C1orf21: variants seen among roughly 807,000 people sequenced by gnomAD.
C1orf21 encodes uncharacterized protein C1orf21.
In C1orf21, 3 loss-of-function variants were observed where a neutral mutation model predicts 18.7. The observed-to-expected ratio is 0.16, with a 90% CI of 0.07 to 0.42. C1orf21 has a LOEUF of 0.42. Among genes scored for constraint, C1orf21 ranks in the 10% least tolerant of loss-of-function variants. C1orf21 has a pLI of 0.99. For missense variants in C1orf21, 104 were observed against 143.6 expected, an observed-to-expected ratio of 0.72 and a Z score of 1.41; for synonymous variants, 41 against 46.4, an observed-to-expected ratio of 0.88 and a Z score of 0.47.
intron 3 of C1orf21, among the ~76,000 whole-genome samples, chr1:184,573,621 G>T (rs539191219): frequency 6.6e-6 from 1 of 152,240 alleles, no homozygotes; most frequent in East Asian, 1.9e-4. Context: ...ATAAGTGCTG[G>T]CAGCGAGCTT....
intron 1 of C1orf21, among the ~76,000 whole-genome samples, chr1:184,422,303 A>G (rs1453812452): frequency 6.6e-6 from 1 of 152,184 alleles, no homozygotes; most frequent in Non-Finnish European, 1.5e-5. Context: ...ATGCTTGCAG[A>G]TTTTGGAATC....
intron 3 of C1orf21, among the ~76,000 whole-genome samples, chr1:184,553,202 C>A (rs1384059244): frequency 6.6e-6 from 1 of 152,006 alleles, no homozygotes; most frequent in African/African-American, 2.4e-5. Flanking sequence ...AGGAAAAAAA[C>A]CATTTAGTTC....
At chr1:184,452,434 G>A (rs1179729954) in intron 1 of C1orf21, among the ~76,000 whole-genome samples, 1 of 152,176 alleles carries the variant, frequency 6.6e-6, no homozygotes, top group African/African-American at 2.4e-5. Flanking sequence ...TGGGTAACTG[G>A]ATGCTGTTGT....
At chr1:184,439,891 A>G (rs1656917828) in intron 1 of C1orf21, among the ~76,000 whole-genome samples, 1 of 152,236 alleles carries the variant, frequency 6.6e-6, no homozygotes, top group Non-Finnish European at 1.5e-5. Flanking sequence ...AAAAATTAAA[A>G]CTAATGATTT....
intron 1 of C1orf21, among the ~76,000 whole-genome samples, chr1:184,417,891 A>G (rs764036094): frequency 6.6e-6 from 1 of 152,120 alleles, no homozygotes; most frequent in East Asian, 1.9e-4. Flanking sequence ...CTGACAGGGG[A>G]TGGGGTATCG....
chr1:184,569,641 G>C (rs1036683427), intron 3 of C1orf21, among the ~76,000 whole-genome samples: 1 of 152,198 alleles, frequency 6.6e-6, no homozygotes, highest in South Asian at 2.1e-4. Context: ...AGAATCACCT[G>C]AGGCCAGGAG....
chr1:184,415,753 C>G (rs1656439595), intron 1 of C1orf21, among the ~76,000 whole-genome samples: 1 of 152,104 alleles, frequency 6.6e-6, no homozygotes, highest in South Asian at 2.1e-4. Context: ...TCTATTAGGC[C>G]TACTTATGGC....
intron 3 of C1orf21, among the ~76,000 whole-genome samples, chr1:184,561,534 A>G (rs145073317): frequency 6.1e-4 from 93 of 152,176 alleles, no homozygotes; most frequent in African/African-American, 2.1e-3. Context: ...TTCTCTCCTA[A>G]ATCTTTTTAA....
chr1:184,463,402 ACTT>A (rs1657337874), intron 1 of C1orf21, among the ~76,000 whole-genome samples: 1 of 152,322 alleles, frequency 6.6e-6, no homozygotes, highest in South Asian at 2.1e-4. Flanking sequence ...AATAATTACT[ACTT>A]TGTGTAATTA....
intron 5 of C1orf21, among the ~76,000 whole-genome samples, chr1:184,608,242 T>G (rs1288890548): frequency 6.6e-6 from 1 of 152,224 alleles, no homozygotes; most frequent in African/African-American, 2.4e-5. Flanking sequence ...TTCTGTATCT[T>G]TTAAATTTCT....
rs1237564092 is a variant in C1orf21, at chr1:184,625,747, A to T, written c.*6191A>T. 1 of 152,514 alleles carries T rather than the reference A, an allele frequency of 6.6e-6. No homozygotes were observed. Among genetic ancestry groups the T allele is most frequent in the East Asian group, 1.9e-4 (1 of 5,182 alleles). The allele number at this position is 152,514 out of a possible 1,614,324, so 9.4% of individuals were successfully genotyped here. On this transcript the variant is annotated 3_prime_UTR_variant, in exon 6 of 6. Coordinates refer to ENST00000235307, the MANE Select transcript of C1orf21 (RefSeq NM_030806.4). Reference sequence around the variant, plus strand: ...TTGAGAAAGTTTGAGTTCGACTCACATGGGAGAATCGAGGTCTGCTACTCG... The same window carrying T: ...TTGAGAAAGTTTGAGTTCGACTCACTTGGGAGAATCGAGGTCTGCTACTCG...
intron 2 of C1orf21, among the ~76,000 whole-genome samples, chr1:184,489,002 A>C (rs1356874315): frequency 6.6e-6 from 1 of 152,162 alleles, no homozygotes; most frequent in Non-Finnish European, 1.5e-5. Flanking sequence ...AAAGTACTAC[A>C]AAAAACGCAA....
chr1:184,463,641 T>A (rs1483117712), intron 1 of C1orf21, among the ~76,000 whole-genome samples: 1 of 152,200 alleles, frequency 6.6e-6, no homozygotes, highest in Non-Finnish European at 1.5e-5. Context: ...CCTTAAAAAT[T>A]TATAAATGAC....
intron 3 of C1orf21, 38 bp from the exon 4 acceptor site, chr1:184,590,701 A>C (rs1401880022): frequency 6.4e-7 from 1 of 1,559,132 alleles, no homozygotes; most frequent in Non-Finnish European, 8.8e-7. Context: ...TGTGGATTCT[A>C]ATCCTGTCTT....
intron 5 of C1orf21, chr1:184,599,663 A>G (rs899192064): frequency 3.3e-5 from 5 of 152,186 alleles, no homozygotes; most frequent in African/African-American, 9.7e-5. Flanking sequence ...TAAGTTGGAA[A>G]CTTCATCCAG....
At chr1:184,460,700 T>G (rs1179270344) in intron 1 of C1orf21, among the ~76,000 whole-genome samples, 1 of 145,432 alleles carries the variant, frequency 6.9e-6, no homozygotes, top group African/African-American at 2.6e-5. Flanking sequence ...TTCTTTCTTT[T>G]TTTCTCTTCT....
At chr1:184,434,105 A>C (rs928314244) in intron 1 of C1orf21, among the ~76,000 whole-genome samples, 1 of 152,120 alleles carries the variant, frequency 6.6e-6, no homozygotes, top group Non-Finnish European at 1.5e-5. Flanking sequence ...CCTTCACTAG[A>C]CCATGAGCAC....
In C1orf21 at chr1:184,621,556, G is replaced by A. The variant is rs1414982739; in HGVS notation, c.*2000G>A. On this transcript the variant is annotated 3_prime_UTR_variant, in exon 6 of 6. Transcript: ENST00000235307. Reference sequence around the variant, plus strand: ...TACCGTTCTGTGGGTGACCTTTTCCGGGATTTCTTGTTCTTATCAAGCAAG... The same window carrying A: ...TACCGTTCTGTGGGTGACCTTTTCCAGGATTTCTTGTTCTTATCAAGCAAG... The A allele has an allele frequency of 2.6e-5, 4 of 152,496 alleles. No homozygotes were observed. Among genetic ancestry groups the A allele is most frequent in the African/African-American group, 7.2e-5 (3 of 41,408 alleles). The allele number at this position is 152,496 out of a possible 1,614,324, so 9.4% of individuals were successfully genotyped here. A position where few individuals can be genotyped will look rare whatever the true frequency, so the allele number is the denominator to read the frequency against.
At chr1:184,567,783 G>A (rs900620354) in intron 3 of C1orf21, 3 of 251,832 alleles carry the variant, frequency 1.2e-5, no homozygotes, top group Middle Eastern at 1.4e-3. Context: ...GGAAGTTCAA[G>A]CCATTTGAAA....
Sources: gnomAD v4.1 joint callset for allele counts (sites outside exome capture counted in the v4.1 genomes callset) on GRCh38, gnomAD v4.1.1 for gene constraint, MANE v1.5 for transcripts, NCBI Gene and HGNC (gene_info 2026-07-23, HGNC 2026-07-21) for gene names.